The following CNBD1 variants were observed in gnomAD, a reference collection of about 807,000 sequenced individuals.
CNBD1 encodes cyclic nucleotide binding domain containing 1, also known as cyclic nucleotide-binding domain-containing protein 1.
CNBD1 carries 71 observed loss-of-function variants against 54.4 expected under a neutral mutation model. The observed-to-expected ratio is 1.30, with a 90% CI of 1.08 to 1.59. The LOEUF is 1.59. CNBD1 is among the 40% of genes most tolerant of loss of function. CNBD1 has a pLI of 0.00. For missense variants in CNBD1, 659 were observed against 518.0 expected, an observed-to-expected ratio of 1.27 and a Z score of -2.64; for synonymous variants, 182 against 170.7, an observed-to-expected ratio of 1.07 and a Z score of -0.51.
intron 4 of CNBD1, among the ~76,000 whole-genome samples, chr8:87,120,296 G>A (rs988686977): frequency 1.3e-5 from 2 of 151,880 alleles, no homozygotes; most frequent in South Asian, 2.1e-4. Flanking sequence ...TGATTCAATC[G>A]TGGTAGGCTG....
intron 4 of CNBD1, among the ~76,000 whole-genome samples, chr8:87,050,918 A>T (rs1810298627): frequency 6.6e-6 from 1 of 152,126 alleles, no homozygotes; most frequent in African/African-American, 2.4e-5. Flanking sequence ...GTTTCTGCTT[A>T]GGAAAAGAAG....
At chr8:87,389,774 G>C (rs1811269841) in intron 2 of CNBD1, among the ~76,000 whole-genome samples, 1 of 152,094 alleles carries the variant, frequency 6.6e-6, no homozygotes, top group African/African-American at 2.4e-5. Flanking sequence ...AACCAAAAAG[G>C]AGCCCGCATT....
intron 4 of CNBD1, among the ~76,000 whole-genome samples, chr8:86,981,048 C>T (rs1181731777): frequency 6.6e-6 from 1 of 152,148 alleles, no homozygotes. Context: ...ATTGGGCAAG[C>T]TTTGGAAGCT....
Position 87,065,909 on chromosome 8 carries a change from A to G in CNBD1, c.431+126155A>G, listed in dbSNP as rs569289289. 3.9e-5 allele frequency among the ~76,000 whole-genome samples: 6 copies of G among 152,078 alleles called. No homozygotes were observed. In the East Asian group the frequency reaches 1.2e-3, roughly 29 times the overall value. On this transcript the variant is annotated intron_variant, in intron 4 of 10. Coordinates refer to ENST00000518476, the MANE Select transcript of CNBD1 (RefSeq NM_173538.3). ...CCTATATGTGATACTTTCCCACTAC[A>G]TGGTTGTTGATAAGTTTCAAAGAAC...
chr8:87,240,971 G>T (rs1392377255), intron 6 of CNBD1, among the ~76,000 whole-genome samples: 1 of 152,010 alleles, frequency 6.6e-6, no homozygotes, highest in Non-Finnish European at 1.5e-5. Flanking sequence ...CTTTTTGTGG[G>T]TCCCCCCAGT....
intron 8 of CNBD1, among the ~76,000 whole-genome samples, chr8:87,301,679 T>G (rs962140394): frequency 1.3e-4 from 19 of 151,812 alleles, no homozygotes; most frequent in Non-Finnish European, 4.4e-5. Context: ...AAAAAACCCT[T>G]CAAAAAATCA....
At chr8:87,030,478 C>T (rs1003743911) in intron 4 of CNBD1, among the ~76,000 whole-genome samples, 21 of 152,032 alleles carry the variant, frequency 1.4e-4, no homozygotes, top group African/African-American at 4.8e-4. Context: ...ACATTCTGTC[C>T]AAGTATTTAG....
chr8:86,965,659 T>TG (rs34080878), intron 4 of CNBD1, among the ~76,000 whole-genome samples: 1 of 152,200 alleles, frequency 6.6e-6, no homozygotes, highest in East Asian at 1.9e-4. Flanking sequence ...ACGGGATCTT[T>TG]GGGGGGTGGA....
chr8:87,416,788 T>C (rs551410190), intron 2 of CNBD1, among the ~76,000 whole-genome samples: 70 of 152,164 alleles, frequency 4.6e-4, no homozygotes, highest in Non-Finnish European at 9.0e-4. Flanking sequence ...TTCCAATGCA[T>C]TCTATGAGTA....
Position 86,916,284 on chromosome 8 carries a change from C to G in CNBD1, c.272+11090C>G, listed in dbSNP as rs184440753. 1.8e-3 allele frequency among the ~76,000 whole-genome samples: 269 copies of G among 152,204 alleles called. 1 individual carries two copies. The highest frequency in any genetic ancestry group is 5.8e-3 in the African/African-American group (242 of 41,536). ...CAGGAATGAAAAGACGTAAAGTACA[C>G]CTGGAAGAGGGCCAAGTGGGCAACA... On this transcript the variant is annotated intron_variant, in intron 3 of 10. Transcript: ENST00000518476.
At chr8:86,976,362 T>C (rs1808342966) in intron 4 of CNBD1, among the ~76,000 whole-genome samples, 1 of 151,808 alleles carries the variant, frequency 6.6e-6, no homozygotes, top group Non-Finnish European at 1.5e-5. Context: ...ATAGTCTTAG[T>C]TCTTACATTT....
intron 4 of CNBD1, among the ~76,000 whole-genome samples, chr8:87,134,634 G>T (rs1358045369): frequency 9.0e-6 from 1 of 110,668 alleles, no homozygotes; most frequent in Non-Finnish European, 1.7e-5. Flanking sequence ...ATGGAGTCTC[G>T]CTGTGTCACC....
chr8:87,116,669 C>G (rs935079683), intron 4 of CNBD1, among the ~76,000 whole-genome samples: 10 of 152,146 alleles, frequency 6.6e-5, no homozygotes, highest in African/African-American at 2.4e-4. Context: ...TCCTCCCCAC[C>G]TAGTCCTCCA....
intron 8 of CNBD1, among the ~76,000 whole-genome samples, chr8:87,339,285 G>T (rs1348136959): frequency 1.3e-5 from 2 of 152,170 alleles, no homozygotes; most frequent in Non-Finnish European, 2.9e-5. Flanking sequence ...GAGCATCATA[G>T]TAATGGGTTC....
Position 87,215,429 on chromosome 8 carries a change from A to T in CNBD1, c.577+9291A>T, listed in dbSNP as rs963839997. Among the ~76,000 whole-genome samples the T allele has an allele frequency of 2.4e-4, 37 of 152,192 alleles. 1 individual carries two copies. The highest frequency in any genetic ancestry group is 8.7e-4 in the African/African-American group (36 of 41,526). On this transcript the variant is annotated intron_variant, in intron 5 of 10. Transcript: ENST00000518476. ...GTGAAACCCTGTCCCTACTAAAAAA[A>T]TACAAAAAATTAGCTGGGCATGGTG...
chr8:86,886,141 C>G (rs185183033), intron 1 of CNBD1, among the ~76,000 whole-genome samples: 1 of 152,196 alleles, frequency 6.6e-6, no homozygotes, highest in Admixed American at 6.5e-5. Flanking sequence ...CTATTACTGA[C>G]ACTCTTCTTG....
At chr8:86,946,438 T>A (rs945357441) in intron 4 of CNBD1, among the ~76,000 whole-genome samples, 1 of 152,102 alleles carries the variant, frequency 6.6e-6, no homozygotes, top group Non-Finnish European at 1.5e-5. Context: ...TAAGCAAACA[T>A]CTATTATAAT....
rs1226839267 is a variant in CNBD1 at position 87,138,443 on chromosome 8, A to T, written c.432-67550A>T. Among the ~76,000 whole-genome samples, 4 of 152,326 alleles carry T rather than the reference A, an allele frequency of 2.6e-5. No individual in the cohort carries two copies. The East Asian group carries it at 7.7e-4, about 29-fold the overall frequency. On this transcript the variant is annotated intron_variant, in intron 4 of 10. Transcript: ENST00000518476. ...GTCAGCAACCGAAAAGAAACAAGGC[A>T]AATTCATTTATGGGTAACTTCTCTG... is the stretch of plus-strand genomic sequence containing the variant.
intron 2 of CNBD1, among the ~76,000 whole-genome samples, chr8:86,895,489 C>T (rs141477073): frequency 7.8e-4 from 119 of 152,274 alleles, no homozygotes; most frequent in African/African-American, 2.8e-3. Context: ...CTTGCTGAAT[C>T]ATATGATAAG....
Sources: gnomAD v4.1 joint callset for allele counts (sites outside exome capture counted in the v4.1 genomes callset) on GRCh38, gnomAD v4.1.1 for gene constraint, MANE v1.5 for transcripts, NCBI Gene and HGNC (gene_info 2026-07-23, HGNC 2026-07-21) for gene names.